TBC1D19: variants seen among roughly 807,000 people sequenced by gnomAD.
TBC1D19 encodes TBC1 domain family member 19.
In TBC1D19, 60 loss-of-function variants were observed where a neutral mutation model predicts 89.0. The ratio of observed to expected loss-of-function variants is 0.67; its 90% confidence interval spans 0.55 to 0.84. TBC1D19 has a LOEUF of 0.84. Ranked by LOEUF, TBC1D19 falls within the 40% of genes least tolerant of loss-of-function variation. TBC1D19 has a pLI of 0.00. For missense variants in TBC1D19, 500 were observed against 610.8 expected (o/e 0.82, Z 1.91); for synonymous variants, 189 against 199.7 (o/e 0.95, Z 0.45).
chr4:26,834,655 C>G, the TBC1D19 span, among the ~76,000 whole-genome samples: 1 of 152,128 alleles, frequency 6.6e-6, no homozygotes, highest in Non-Finnish European at 1.5e-5. Context: ...ACCAAAACTA[C>G]TCACCCCCAG....
upstream of TBC1D19, among the ~76,000 whole-genome samples, chr4:26,582,555 T>C (rs1262378370): frequency 6.6e-6 from 1 of 152,198 alleles, no homozygotes; most frequent in Non-Finnish European, 1.5e-5. Context: ...CTCTTCTTTC[T>C]CTCTGTTCAA....
chr4:26,653,759 A>G (rs901916320), intron 7 of TBC1D19, among the ~76,000 whole-genome samples: 2 of 152,014 alleles, frequency 1.3e-5, no homozygotes, highest in African/African-American at 2.4e-5. Flanking sequence ...TTTTGAGCCT[A>G]TGTGTGTCTC....
rs1357952971 is a variant in TBC1D19, at chr4:26,627,447, A to T, written c.294+6759A>T. 4.0e-5 allele frequency among the ~76,000 whole-genome samples: 6 copies of T among 151,804 alleles called. No homozygotes were observed. In the South Asian group the frequency reaches 6.2e-4, roughly 16 times the overall value. On this transcript the variant is annotated intron_variant, in intron 4 of 20. Transcript: ENST00000264866. The stretch of plus-strand genomic sequence containing the variant: ...GTCAAATGGTATTTCTAGTTCTAGA[A>T]CCCTGAGGAATCGCCACACTGACTT...
At chr4:26,681,529 C>T (rs555618320) in intron 11 of TBC1D19, among the ~76,000 whole-genome samples, 15 of 151,936 alleles carry the variant, frequency 9.9e-5, no homozygotes, top group Admixed American at 2.6e-4. Flanking sequence ...CCAGCCTGGG[C>T]GACAGAGTGA....
chr4:26,656,758 G>T (rs77422106), intron 7 of TBC1D19, among the ~76,000 whole-genome samples: 1 of 151,950 alleles, frequency 6.6e-6, no homozygotes, highest in Non-Finnish European at 1.5e-5. Flanking sequence ...GGAGTCTCAC[G>T]ATGTTGCCCA....
At chr4:26,748,024 C>A (rs112070512) in intron 18 of TBC1D19, among the ~76,000 whole-genome samples, 4 of 152,176 alleles carry the variant, frequency 2.6e-5, no homozygotes, top group African/African-American at 9.6e-5. Context: ...AGGCATTGAA[C>A]AATCTTTCAA....
chr4:26,629,577 T>C (rs1742661991), intron 4 of TBC1D19, among the ~76,000 whole-genome samples: 1 of 152,044 alleles, frequency 6.6e-6, no homozygotes, highest in Non-Finnish European at 1.5e-5. Flanking sequence ...CCCTTTGACT[T>C]AGTAATTCCA....
upstream of TBC1D19, among the ~76,000 whole-genome samples, chr4:26,581,825 C>A (rs908938934): frequency 1.3e-5 from 2 of 152,152 alleles, no homozygotes; most frequent in African/African-American, 4.8e-5. Flanking sequence ...GTATTCCTTG[C>A]CATTTCTTGC....
intron 11 of TBC1D19, among the ~76,000 whole-genome samples, chr4:26,675,426 T>A (rs1712718781): frequency 6.6e-6 from 1 of 152,142 alleles, no homozygotes; most frequent in African/African-American, 2.4e-5. Context: ...TTTTTACCCT[T>A]GAATTTTGGA....
At chr4:26,734,128 C>T (rs1165542912) in intron 15 of TBC1D19, among the ~76,000 whole-genome samples, 1 of 152,130 alleles carries the variant, frequency 6.6e-6, no homozygotes, top group African/African-American at 2.4e-5. Context: ...ACTAAGAATA[C>T]TAAGTAGAAA....
intron 13 of TBC1D19, among the ~76,000 whole-genome samples, chr4:26,694,396 A>G (rs1476710899): frequency 6.6e-6 from 1 of 152,212 alleles, no homozygotes; most frequent in East Asian, 1.9e-4. Context: ...CAAAGTGACT[A>G]GGAAGCTCGA....
Position 26,748,491 on chromosome 4 carries a change from G to A in TBC1D19, c.1400G>A (p.Arg467Lys). Residue 467 changes from arginine (R) to lysine (K), a missense_variant, in exon 19 of 21, where the codon AGA becomes AAA. This residue lies in a region of TBC1D19 where 220 missense variants were observed against 319.1 expected (regional missense o/e 0.69). Transcript: ENST00000264866. ...GATCAGCTCTTGCTTTTATGGGATA[G>A]AATCCTAGGATACAACTCTCTGGAA... ...ATDQLLLLWD[R>K]ILGYNSLEIL... The A allele has an allele frequency of 6.2e-7, 1 of 1,613,754 alleles. No homozygotes were observed. The highest frequency in any genetic ancestry group is 8.5e-7 in the Non-Finnish European group (1 of 1,179,792).
rs77555028 is a variant in TBC1D19 at position 26,669,801 on chromosome 4, G to A, written c.665-2348G>A. Among the ~76,000 whole-genome samples, 98 of 151,548 alleles carry A rather than the reference G, an allele frequency of 6.5e-4. 1 individual carries two copies. The East Asian group carries it at 0.018, about 28-fold the overall frequency. ...AATTATGAATATAAAACATTTCTTG[G>A]CATATTATGAGAAGAAAATCTTGAA... On this transcript the variant is annotated intron_variant, in intron 9 of 20. Transcript: ENST00000264866.
chr4:26,644,328 G>A (rs2087281269), intron 7 of TBC1D19, among the ~76,000 whole-genome samples: 1 of 152,110 alleles, frequency 6.6e-6, no homozygotes, highest in African/African-American at 2.4e-5. Context: ...AAAATCACAT[G>A]ATTATCTCAA....
intron 15 of TBC1D19, among the ~76,000 whole-genome samples, chr4:26,723,191 G>T (rs1276662992): frequency 6.6e-6 from 1 of 152,022 alleles, no homozygotes; most frequent in Non-Finnish European, 1.5e-5. Flanking sequence ...AATCAAGGAG[G>T]ACACTTTTCT....
At chr4:26,831,015 C>T in the TBC1D19 span, among the ~76,000 whole-genome samples, 4 of 152,088 alleles carry the variant, frequency 2.6e-5, no homozygotes, top group Admixed American at 6.6e-5. Context: ...ATTGCTTTTT[C>T]CAATAAATTG....
At chr4:26,724,393 A>G (rs1212672183) in intron 15 of TBC1D19, among the ~76,000 whole-genome samples, 1 of 152,146 alleles carries the variant, frequency 6.6e-6, no homozygotes, top group African/African-American at 2.4e-5. Context: ...ATACTGTGGT[A>G]TCACTGGAAA....
the TBC1D19 span, among the ~76,000 whole-genome samples, chr4:26,849,395 CCTT>C: frequency 6.6e-6 from 1 of 152,114 alleles, no homozygotes; most frequent in Admixed American, 6.5e-5. Flanking sequence ...GGATATCTTT[CCTT>C]CTTCTTTTTC....
At chr4:26,831,336 C>T in the TBC1D19 span, among the ~76,000 whole-genome samples, 3 of 152,150 alleles carry the variant, frequency 2.0e-5, no homozygotes, top group Non-Finnish European at 4.4e-5. Context: ...AAACTTTTCT[C>T]AGAAGAGTTA....
Sources: gnomAD v4.1 joint callset for allele counts (sites outside exome capture counted in the v4.1 genomes callset) on GRCh38, gnomAD v4.1.1 for gene constraint, gnomAD v4.1.1 regional missense constraint, MANE v1.5 for transcripts, NCBI Gene and HGNC (gene_info 2026-07-23, HGNC 2026-07-21) for gene names.